The following FHIP1A variants were observed in gnomAD, a reference collection of about 807,000 sequenced individuals.
The protein encoded by FHIP1A is FHF complex subunit HOOK interacting protein 1A.
In FHIP1A, 61 loss-of-function variants were observed where a neutral mutation model predicts 88.6. The observed-to-expected ratio is 0.69, with a 90% CI of 0.56 to 0.85. The LOEUF is 0.85. Ranked by LOEUF, FHIP1A falls within the 40% of genes least tolerant of loss-of-function variation. FHIP1A has a pLI of 0.00. For missense variants in FHIP1A, 1,154 were observed against 1,273.5 expected, an observed-to-expected ratio of 0.91 and a Z score of 1.43; for synonymous variants, 478 against 496.0, an observed-to-expected ratio of 0.96 and a Z score of 0.48.
At chr4:151,552,825 T>TAA (rs201295653) in intron 3 of FHIP1A, among the ~76,000 whole-genome samples, 41 of 139,728 alleles carry the variant, frequency 2.9e-4, no homozygotes, top group Non-Finnish European at 3.4e-4. Flanking sequence ...AAAGTATAAT[T>TAA]AAAAAAAAAA....
chr4:151,529,220 C>T (rs963526204), intron 3 of FHIP1A, among the ~76,000 whole-genome samples: 1 of 152,010 alleles, frequency 6.6e-6, no homozygotes, highest in African/African-American at 2.4e-5. Flanking sequence ...ACTGTTAGAT[C>T]CTAGGAAAAA....
chr4:151,481,366 TA>T (rs1729887378), intron 2 of FHIP1A, among the ~76,000 whole-genome samples: 1 of 152,060 alleles, frequency 6.6e-6, no homozygotes, highest in Non-Finnish European at 1.5e-5. Flanking sequence ...AGTATATTTA[TA>T]TATACATATT....
At chr4:151,629,620 G>A (rs1224081741) in intron 7 of FHIP1A, 82 bp from the exon 8 acceptor site, 3 of 1,275,764 alleles carry the variant, frequency 2.4e-6, no homozygotes, top group Admixed American at 2.1e-5. Flanking sequence ...TGTCACTGTG[G>A]TGAGGCTGGG....
At chr4:151,632,418 G>A (rs1736190156) in intron 8 of FHIP1A, among the ~76,000 whole-genome samples, 1 of 151,778 alleles carries the variant, frequency 6.6e-6, no homozygotes, top group Non-Finnish European at 1.5e-5. Flanking sequence ...CTTAAATAGT[G>A]GATAAAAATA....
intron 1 of FHIP1A, among the ~76,000 whole-genome samples, chr4:151,438,902 C>T (rs765625556): frequency 2.6e-5 from 4 of 151,848 alleles, no homozygotes; most frequent in African/African-American, 7.3e-5. Context: ...CCTCAGCCTC[C>T]GGAATTTTGT....
At chr4:151,552,964 T>C (rs1732805093) in intron 3 of FHIP1A, among the ~76,000 whole-genome samples, 1 of 152,208 alleles carries the variant, frequency 6.6e-6, no homozygotes, top group Non-Finnish European at 1.5e-5. Context: ...TAGAACCACC[T>C]TTCTTACACA....
chr4:151,613,954 G>C (rs1201437995), intron 7 of FHIP1A, among the ~76,000 whole-genome samples: 1 of 152,116 alleles, frequency 6.6e-6, no homozygotes, highest in African/African-American at 2.4e-5. Context: ...CCTGAGGTCA[G>C]GAGTTTGAGA....
rs776457721 is a variant in FHIP1A, at chr4:151,650,199, G to A, written c.2158G>A (p.Ala720Thr). The change falls in exon 11 of 14, where the codon GCA (alanine) becomes ACA (threonine). Residue 720 changes from alanine (A) to threonine (T), a missense_variant. Coordinates refer to ENST00000435205, the MANE Select transcript of FHIP1A (RefSeq NM_001109977.3). Reference protein sequence around the residue: ...KEPKQEREPEAAPESNSELAS... With the variant: ...KEPKQEREPETAPESNSELAS... ...GCCAAAGCAAGAGAGGGAACCTGAA[G>A]CAGCCCCAGAATCCAACTCAGAGTT... The A allele has an allele frequency of 3.2e-6, 5 of 1,551,746 alleles. No individual in the cohort carries two copies. The highest frequency in any genetic ancestry group is 1.7e-4 in the Middle Eastern group (1 of 5,992).
intron 7 of FHIP1A, among the ~76,000 whole-genome samples, chr4:151,607,810 CT>C (rs1457662023): frequency 6.6e-6 from 1 of 152,128 alleles, no homozygotes; most frequent in Non-Finnish European, 1.5e-5. Context: ...TAAATACATA[CT>C]ACCTATTATT....
In FHIP1A at chr4:151,629,780, G is replaced by C. The variant is rs1479905365; in HGVS notation, c.1057G>C (p.Glu353Gln). The C allele has an allele frequency of 1.3e-6, 2 of 1,551,428 alleles. No individual in the cohort carries two copies. The highest frequency in any genetic ancestry group is 2.4e-5 in the South Asian group (2 of 84,038). Residue 353 changes from glutamate to glutamine, a missense_variant, in exon 8 of 14, where the codon GAG (glutamate) becomes CAG (glutamine). Transcript: ENST00000435205. The part of the protein sequence containing the change: ...LRSISEPALL[E>Q]IFLRFILLHQ... ...TAGCATCTCCGAGCCAGCACTACTT[G>C]AGATCTTCCTCCGTTTTATCCTATT...
intron 7 of FHIP1A, among the ~76,000 whole-genome samples, chr4:151,602,358 C>T (rs1266923449): frequency 5.3e-5 from 8 of 152,130 alleles, no homozygotes; most frequent in Non-Finnish European, 8.8e-5. Context: ...AGTCAGTGTG[C>T]ACCAGGTGCA....
intron 3 of FHIP1A, among the ~76,000 whole-genome samples, chr4:151,503,763 A>G (rs757503260): frequency 1.3e-5 from 2 of 152,194 alleles, no homozygotes; most frequent in Non-Finnish European, 2.9e-5. Flanking sequence ...CCCCAAGTAT[A>G]TTAGGACATA....
intron 7 of FHIP1A, among the ~76,000 whole-genome samples, chr4:151,614,162 CAA>C (rs111483557): frequency 5.0e-4 from 61 of 122,524 alleles, no homozygotes; most frequent in Admixed American, 5.9e-4. Context: ...GACTCCATCT[CAA>C]AAAAAAAAAA....
chr4:151,556,181 C>T (rs181550520), intron 3 of FHIP1A, among the ~76,000 whole-genome samples: 29 of 152,184 alleles, frequency 1.9e-4, no homozygotes, highest in Admixed American at 1.9e-3. Flanking sequence ...TGAAAGTTCT[C>T]TAGAAAGGAG....
intron 13 of FHIP1A, among the ~76,000 whole-genome samples, chr4:151,659,679 C>T (rs1001784329): frequency 6.6e-6 from 1 of 152,170 alleles, no homozygotes; most frequent in Non-Finnish European, 1.5e-5. Flanking sequence ...TTCAGGTGCT[C>T]GTGCATGCTT....
chr4:151,440,300 A>G (rs1410126460), intron 1 of FHIP1A, among the ~76,000 whole-genome samples: 3 of 152,222 alleles, frequency 2.0e-5, no homozygotes, highest in African/African-American at 7.2e-5. Context: ...GGGTGAGGAC[A>G]CAGCCAAACC....
At chr4:151,629,953 T>G in intron 8 of FHIP1A, 84 bp downstream of exon 8, 1 of 1,143,380 alleles carries the variant, frequency 8.7e-7, no homozygotes, top group Non-Finnish European at 1.2e-6. Context: ...ATTATGAATA[T>G]TCTCTTTTGC....
Position 151,629,831 on chromosome 4 carries a change from C to G in FHIP1A, c.1108C>G (p.Leu370Val). The G allele has an allele frequency of 6.4e-7, 1 of 1,551,354 alleles. No homozygotes were observed. Among genetic ancestry groups the G allele is most frequent in the Non-Finnish European group, 8.7e-7 (1 of 1,146,768 alleles). Reference protein sequence around the residue: ...LLHQHENVHILDTLTSRINTP... With the variant: ...LLHQHENVHIVDTLTSRINTP... ...GCACCAGCACGAGAATGTCCACATC[C>G]TAGACACTCTCACGAGTCGAATCAA... The change falls in exon 8 of 14, where the codon CTA becomes GTA. Residue 370 changes from leucine to valine, a missense_variant. Physicochemically the swap from Leu to Val is conservative, Grantham distance 32. Coordinates refer to ENST00000435205, the MANE Select transcript of FHIP1A (RefSeq NM_001109977.3).
chr4:151,619,665 A>C lies in FHIP1A; in HGVS notation c.979-10037A>C, dbSNP rs143676826. ...GGTATTCTTCAGTTCTAAAACATTC[A>C]TTTGTTAATTATTTCATTCAACATA... On this transcript the variant is annotated intron_variant, in intron 7 of 13. Coordinates refer to ENST00000435205, the MANE Select transcript of FHIP1A (RefSeq NM_001109977.3). 3.1e-3 allele frequency among the ~76,000 whole-genome samples: 471 copies of C among 152,360 alleles called. 2 individuals are homozygous for C. The highest frequency in any genetic ancestry group is 0.011 in the African/African-American group (458 of 41,586).
Sources: gnomAD v4.1 joint callset for allele counts (sites outside exome capture counted in the v4.1 genomes callset) on GRCh38, gnomAD v4.1.1 for gene constraint, MANE v1.5 for transcripts, NCBI Gene and HGNC (gene_info 2026-07-23, HGNC 2026-07-21) for gene names.